SOX6: variants seen among roughly 807,000 people sequenced by gnomAD.
The protein encoded by SOX6 is SRY-box transcription factor 6, also known as transcription factor SOX-6.
Under a neutral mutation model 97.8 loss-of-function variants are expected in SOX6, and 11 were observed. That is an observed-to-expected ratio of 0.11 (90% CI 0.07 to 0.19). SOX6 has a LOEUF of 0.19. SOX6 is among the 10% of genes least tolerant of loss of function. The pLI, the probability that SOX6 is intolerant of heterozygous loss-of-function variation, is 1.00. For synonymous variants in SOX6, 360 were observed against 371.4 expected, an observed-to-expected ratio of 0.97 and a Z score of 0.35; for missense variants, 810 against 1,039.5, an observed-to-expected ratio of 0.78 and a Z score of 3.04.
chr11:16,043,432 C>T (rs554582487), intron 12 of SOX6, among the ~76,000 whole-genome samples: 7 of 152,188 alleles, frequency 4.6e-5, no homozygotes, highest in South Asian at 4.2e-4. Flanking sequence ...CTAAATACCC[C>T]GTGACACATC....
chr11:16,368,098 C>G (rs1014483293), intron 1 of SOX6, among the ~76,000 whole-genome samples: 1 of 152,092 alleles, frequency 6.6e-6, no homozygotes, highest in Non-Finnish European at 1.5e-5. Flanking sequence ...TCTTACTTGT[C>G]TATTGGCCAC....
At chr11:16,065,897 G>A (rs779897254) in intron 9 of SOX6, among the ~76,000 whole-genome samples, 2 of 151,992 alleles carry the variant, frequency 1.3e-5, no homozygotes, top group Non-Finnish European at 2.9e-5. Context: ...GGCAACCAAA[G>A]CAAAAATGGA....
At chr11:16,090,739 G>A (rs952065548) in intron 9 of SOX6, among the ~76,000 whole-genome samples, 2 of 151,950 alleles carry the variant, frequency 1.3e-5, no homozygotes, top group Non-Finnish European at 2.9e-5. Context: ...GCAATGCTAA[G>A]GATTCCACAG....
At chr11:16,326,646 A>G (rs1456206941) in intron 2 of SOX6, among the ~76,000 whole-genome samples, 1 of 152,196 alleles carries the variant, frequency 6.6e-6, no homozygotes, top group African/African-American at 2.4e-5. Context: ...ACACTTTATT[A>G]TTCACCTTAA....
At chr11:16,086,281 G>A (rs961851522) in intron 9 of SOX6, among the ~76,000 whole-genome samples, 3 of 152,160 alleles carry the variant, frequency 2.0e-5, no homozygotes, top group Non-Finnish European at 2.9e-5. Context: ...CTCTGAACAT[G>A]ACTTTACTGT....
chr11:16,160,478 A>G (rs1324060400), intron 6 of SOX6, among the ~76,000 whole-genome samples: 1 of 152,190 alleles, frequency 6.6e-6, no homozygotes, highest in Non-Finnish European at 1.5e-5. Flanking sequence ...ATGCCCATAT[A>G]TACCATAATG....
chr11:16,088,060 G>A (rs1271800542), intron 9 of SOX6, among the ~76,000 whole-genome samples: 6 of 152,086 alleles, frequency 3.9e-5, no homozygotes, highest in South Asian at 4.2e-4. Flanking sequence ...CATATAATAC[G>A]TGCTAAAAAA....
chr11:16,373,365 T>G (rs1857544386), intron 1 of SOX6, among the ~76,000 whole-genome samples: 1 of 152,106 alleles, frequency 6.6e-6, no homozygotes, highest in Non-Finnish European at 1.5e-5. Flanking sequence ...CTTCAGTTTC[T>G]GTCCCACTGT....
At chr11:16,190,424 A>C (rs1565008882) in intron 4 of SOX6, among the ~76,000 whole-genome samples, 1 of 152,218 alleles carries the variant, frequency 6.6e-6, no homozygotes, top group Non-Finnish European at 1.5e-5. Flanking sequence ...ATAACAACAC[A>C]ATAAAAAATA....
In SOX6 at chr11:15,969,161, T is replaced by A. The variant is rs1853233141; in HGVS notation, c.*3648A>T. On this transcript the variant is annotated 3_prime_UTR_variant, in exon 16 of 16. Transcript: ENST00000683767. ...GGAGAACCCTGACCCTGTAAGTTCTTTAACAAAATGGAGATAATTTTTATT... is the reference window on the plus strand; with the variant it reads ...GGAGAACCCTGACCCTGTAAGTTCTATAACAAAATGGAGATAATTTTTATT... The A allele has an allele frequency of 6.6e-6, 1 of 151,688 alleles. No homozygotes were observed. The highest frequency in any genetic ancestry group is 2.1e-4 in the South Asian group (1 of 4,804). The allele number at this position is 151,688 out of a possible 1,614,324, so 9.4% of individuals were successfully genotyped here. A position where few individuals can be genotyped will look rare whatever the true frequency, so the allele number is the denominator to read the frequency against.
chr11:16,215,001 G>C (rs953357159), intron 4 of SOX6, among the ~76,000 whole-genome samples: 2 of 152,064 alleles, frequency 1.3e-5, no homozygotes, highest in Non-Finnish European at 2.9e-5. Flanking sequence ...GCTGACCTCG[G>C]CCTCCCAAAG....
intron 3 of SOX6, among the ~76,000 whole-genome samples, chr11:16,652,668 TAACATTGGTA>T (rs1847670295): frequency 6.6e-6 from 1 of 152,062 alleles, no homozygotes; most frequent in African/African-American, 2.4e-5. Context: ...TTCTAGAAGA[TAACATTGGTA>T]AAACTCTTCT....
intron 12 of SOX6, among the ~76,000 whole-genome samples, chr11:16,038,088 T>C (rs1010589012): frequency 6.6e-6 from 1 of 152,142 alleles, no homozygotes; most frequent in African/African-American, 2.4e-5. Flanking sequence ...ACTATTGACA[T>C]AGCATTTATG....
At chr11:16,666,686 A>G (rs548208206) in intron 3 of SOX6, among the ~76,000 whole-genome samples, 1 of 152,288 alleles carries the variant, frequency 6.6e-6, no homozygotes, top group Non-Finnish European at 1.5e-5. Flanking sequence ...AATCCCAGCT[A>G]TTCAGGAGGC....
At chr11:16,361,950 T>C (rs968243282) in intron 1 of SOX6, among the ~76,000 whole-genome samples, 5 of 152,230 alleles carry the variant, frequency 3.3e-5, no homozygotes, top group African/African-American at 4.8e-5. Flanking sequence ...CAAGGCCTTA[T>C]CTTGTACATT....
At chr11:16,522,604 T>C (rs929499373) in intron 4 of SOX6, among the ~76,000 whole-genome samples, 3 of 151,388 alleles carry the variant, frequency 2.0e-5, no homozygotes, top group African/African-American at 4.9e-5. Context: ...AACATCATAA[T>C]GACACGATCA....
intron 3 of SOX6, among the ~76,000 whole-genome samples, chr11:16,267,664 A>G (rs765622425): frequency 6.6e-6 from 1 of 151,594 alleles, no homozygotes; most frequent in Non-Finnish European, 1.5e-5. Context: ...AAATATAATT[A>G]ACATATAATC....
chr11:16,703,176 A>G (rs989941489), intron 3 of SOX6, among the ~76,000 whole-genome samples: 6 of 151,954 alleles, frequency 3.9e-5, no homozygotes, highest in Non-Finnish European at 8.8e-5. Context: ...TCAGTGTGAT[A>G]CACAAAATAA....
chr11:16,011,292 A>G (rs915400389), intron 13 of SOX6, among the ~76,000 whole-genome samples: 3 of 152,094 alleles, frequency 2.0e-5, no homozygotes, highest in Admixed American at 6.6e-5. Flanking sequence ...ATGTATACTC[A>G]ATACATGTTA....
Sources: gnomAD v4.1 joint callset for allele counts (sites outside exome capture counted in the v4.1 genomes callset) on GRCh38, gnomAD v4.1.1 for gene constraint, MANE v1.5 for transcripts, NCBI Gene and HGNC (gene_info 2026-07-23, HGNC 2026-07-21) for gene names.